The following SLC9A9 variants were observed in gnomAD, a reference collection of about 807,000 sequenced individuals.
The protein encoded by SLC9A9 is sodium/hydrogen exchanger 9.
A neutral mutation model predicts 77.8 loss-of-function variants in SLC9A9; 62 were observed. The ratio of observed to expected loss-of-function variants is 0.80; its 90% CI spans 0.65 to 0.98. The LOEUF (loss-of-function observed/expected upper bound fraction) is 0.98, where lower values mean the gene tolerates loss of function less well. Ranked by LOEUF, SLC9A9 falls within the 50% of genes least tolerant of loss-of-function variation. SLC9A9 has a pLI of 0.00. For synonymous variants in SLC9A9, 320 were observed against 283.5 expected, an observed-to-expected ratio of 1.13 and a Z score of -1.29; for missense variants, 775 against 774.9, an observed-to-expected ratio of 1.00 and a Z score of 0.00.
intron 8 of SLC9A9, among the ~76,000 whole-genome samples, chr3:143,558,029 A>T (rs942901901): frequency 1.3e-5 from 2 of 152,214 alleles, no homozygotes; most frequent in African/African-American, 4.8e-5. Context: ...GGAGAAAAAA[A>T]TGGTTTAATG....
chr3:143,528,443 A>C (rs990431452), intron 9 of SLC9A9, among the ~76,000 whole-genome samples: 2 of 152,260 alleles, frequency 1.3e-5, no homozygotes, highest in African/African-American at 4.8e-5. Flanking sequence ...AAGAAAGTAC[A>C]GAAAGCAGAA....
chr3:143,783,464 G>A (rs1388981572), intron 4 of SLC9A9, among the ~76,000 whole-genome samples: 1 of 152,076 alleles, frequency 6.6e-6, no homozygotes, highest in Non-Finnish European at 1.5e-5. Flanking sequence ...GGCCCCCTAA[G>A]TGTGGTCTCG....
intron 1 of SLC9A9, among the ~76,000 whole-genome samples, chr3:143,832,749 A>C (rs60542095): frequency 6.6e-6 from 1 of 150,442 alleles, no homozygotes; most frequent in Non-Finnish European, 1.5e-5. Context: ...ATCTGTGACC[A>C]TAAGTAGATC....
At chr3:143,562,478 T>C (rs1301176631) in intron 8 of SLC9A9, among the ~76,000 whole-genome samples, 1 of 152,010 alleles carries the variant, frequency 6.6e-6, no homozygotes, top group Non-Finnish European at 1.5e-5. Flanking sequence ...CCATTATAGA[T>C]AGGGAATAAA....
At chr3:143,553,667 T>C (rs2036930859) in intron 8 of SLC9A9, among the ~76,000 whole-genome samples, 1 of 152,216 alleles carries the variant, frequency 6.6e-6, no homozygotes, top group African/African-American at 2.4e-5. Flanking sequence ...TGCTAACACA[T>C]ATTTGCATAA....
At chr3:143,270,736 G>C (rs1937873511) in intron 14 of SLC9A9, among the ~76,000 whole-genome samples, 1 of 152,128 alleles carries the variant, frequency 6.6e-6, no homozygotes, top group Admixed American at 6.5e-5. Context: ...AGCAACTTCT[G>C]CTGAGAGGCT....
chr3:143,775,113 A>T (rs929446119), intron 4 of SLC9A9, among the ~76,000 whole-genome samples: 3 of 152,232 alleles, frequency 2.0e-5, no homozygotes, highest in Non-Finnish European at 4.4e-5. Flanking sequence ...TAAGGGGATC[A>T]AAAACCACAT....
chr3:143,592,399 C>A (rs776764342), intron 6 of SLC9A9, among the ~76,000 whole-genome samples: 3 of 152,058 alleles, frequency 2.0e-5, no homozygotes, highest in African/African-American at 7.2e-5. Flanking sequence ...TCAACAACAA[C>A]AACAAAAAAA....
At position 143,557,552 on chromosome 3, in the gene SLC9A9, T is replaced by A. The variant is rs147765967; in HGVS notation, c.1001-5102A>T. Among the ~76,000 whole-genome samples the A allele has an allele frequency of 2.3e-3, 353 of 152,258 alleles. 2 individuals are homozygous for A. Among genetic ancestry groups the A allele is most frequent in the African/African-American group, 8.0e-3 (334 of 41,536 alleles). ...AGAAGACAGGAAGATATGGGAAAGT[T>A]TGGAACTTCCTAGAGACTTGTTGAA... On this transcript the variant is annotated intron_variant, in intron 8 of 15. Coordinates refer to ENST00000316549, the MANE Select transcript of SLC9A9 (RefSeq NM_173653.4).
Position 143,673,076 on chromosome 3 carries a change from A to G in SLC9A9, c.649+20116T>C, listed in dbSNP as rs547498759. ...AAGGATAAAGGTGGCTTTTATTCCTACTACTTAAATGTTAAATGAAAATAA... is the reference window on the plus strand; with the variant it reads ...AAGGATAAAGGTGGCTTTTATTCCTGCTACTTAAATGTTAAATGAAAATAA... On this transcript the variant is annotated intron_variant, in intron 5 of 15. Transcript: ENST00000316549. Among the ~76,000 whole-genome samples the G allele has an allele frequency of 2.0e-5, 3 of 152,348 alleles. No individual in the cohort carries two copies. The East Asian group carries it at 5.8e-4, about 29-fold the overall frequency.
intron 8 of SLC9A9, among the ~76,000 whole-genome samples, chr3:143,570,751 C>G (rs186763231): frequency 6.6e-6 from 1 of 151,200 alleles, no homozygotes; most frequent in Admixed American, 6.6e-5. Flanking sequence ...TATGCATGCA[C>G]GAGTATATTT....
intron 12 of SLC9A9, among the ~76,000 whole-genome samples, chr3:143,403,379 A>G (rs1254375895): frequency 2.0e-5 from 3 of 152,118 alleles, no homozygotes; most frequent in African/African-American, 7.2e-5. Flanking sequence ...TTTTAGTTTT[A>G]AAAAGAAAGG....
chr3:143,483,874 C>T (rs838646), intron 11 of SLC9A9, among the ~76,000 whole-genome samples: 33,352 of 152,062 alleles, frequency 0.22, 4,786 homozygotes, highest in Non-Finnish European at 0.32. Context: ...TGAATCAAAC[C>T]TGAGCCAAGC....
At chr3:143,786,133 G>C (rs1289250672) in intron 4 of SLC9A9, among the ~76,000 whole-genome samples, 1 of 152,054 alleles carries the variant, frequency 6.6e-6, no homozygotes, top group Non-Finnish European at 1.5e-5. Flanking sequence ...GGGATTACAG[G>C]CGTGAGCCAC....
chr3:143,662,202 G>A (rs1450728803), intron 5 of SLC9A9, among the ~76,000 whole-genome samples: 1 of 152,220 alleles, frequency 6.6e-6, no homozygotes, highest in East Asian at 1.9e-4. Context: ...ACTAGATACT[G>A]CAGCATAAAC....
chr3:143,425,452 C>T (rs1205171012), intron 12 of SLC9A9, among the ~76,000 whole-genome samples: 2 of 151,778 alleles, frequency 1.3e-5, no homozygotes, highest in Admixed American at 6.6e-5. Flanking sequence ...GAATGGCTGT[C>T]GGTTAACAAT....
chr3:143,316,468 G>A (rs2031216750), intron 14 of SLC9A9, among the ~76,000 whole-genome samples: 1 of 152,188 alleles, frequency 6.6e-6, no homozygotes, highest in African/African-American at 2.4e-5. Context: ...AAATTTGGTG[G>A]CAAGAGGATC....
At chr3:143,819,547 G>A (rs1374625314) in intron 2 of SLC9A9, among the ~76,000 whole-genome samples, 5 of 152,104 alleles carry the variant, frequency 3.3e-5, no homozygotes, top group Admixed American at 6.5e-5. Flanking sequence ...CCTCTGTAGC[G>A]TGGGTCATAT....
rs71140453 is a variant in SLC9A9 at position 143,743,241 on chromosome 3, G to GGATAGATA, written c.534-49942_534-49935dup. Among the ~76,000 whole-genome samples, 386 of 133,664 alleles carry GGATAGATA rather than the reference G, an allele frequency of 2.9e-3. 2 individuals are homozygous for GGATAGATA. Among genetic ancestry groups the GGATAGATA allele is most frequent in the African/African-American group, 4.7e-3 (166 of 35,302 alleles). The allele number at this position is 133,664 out of a possible 152,430, so 87.7% of individuals were successfully genotyped here. On this transcript the variant is annotated intron_variant, in intron 4 of 15. Coordinates refer to ENST00000316549, the MANE Select transcript of SLC9A9 (RefSeq NM_173653.4). ...TGGATGGATGGATGGATGGATGGAT[G>GGATAGATA]GATAGATAGATAGATAGATAGATAG...
Sources: gnomAD v4.1 joint callset for allele counts (sites outside exome capture counted in the v4.1 genomes callset) on GRCh38, gnomAD v4.1.1 for gene constraint, MANE v1.5 for transcripts, NCBI Gene and HGNC (gene_info 2026-07-23, HGNC 2026-07-21) for gene names.